Variants in FBRSL1 observed in about 807,000 individuals in gnomAD.
FBRSL1 encodes fibrosin like 1.
In FBRSL1, 51 loss-of-function variants were observed where a neutral mutation model predicts 89.6. The ratio of observed to expected loss-of-function variants is 0.57; its 90% CI spans 0.45 to 0.72. The LOEUF (loss-of-function observed/expected upper bound fraction) is 0.72. Among genes scored for constraint, FBRSL1 ranks in the 30% least tolerant of loss-of-function variants. FBRSL1 has a pLI of 0.00. For missense variants in FBRSL1, 1,618 were observed against 1,451.8 expected, an observed-to-expected ratio of 1.11 and a Z score of -1.86; for synonymous variants, 779 against 681.1, an observed-to-expected ratio of 1.14 and a Z score of -2.24.
rs891873302 is a variant in FBRSL1, at chr12:132,584,752, A to G, written c.*974A>G. 2 of 152,362 alleles carry G rather than the reference A, an allele frequency of 1.3e-5. No homozygotes were observed. Among genetic ancestry groups the G allele is most frequent in the African/African-American group, 4.8e-5 (2 of 41,368 alleles). 9.4% of individuals were successfully genotyped at this position (152,362 alleles called of 1,614,324 possible). ...CTGTGGACGTTTGTGTGGATGGTGC[A>G]GTGTTCTTGGAATCTGTAGACCAGA... On this transcript the variant is annotated 3_prime_UTR_variant, in exon 19 of 19. Transcript: ENST00000680143.
At chr12:132,525,327 G>C in intron 2 of FBRSL1, among the ~76,000 whole-genome samples, 1 of 152,316 alleles carries the variant, frequency 6.6e-6, no homozygotes, top group Non-Finnish European at 1.5e-5. Context: ...ACCAGCCAGG[G>C]TGTGGGTGGA....
intron 4 of FBRSL1, among the ~76,000 whole-genome samples, chr12:132,540,681 C>T (rs2037183577): frequency 6.6e-6 from 1 of 152,166 alleles, no homozygotes; most frequent in East Asian, 1.9e-4. Flanking sequence ...GTGGCGCCTG[C>T]TCTGGGCTCA....
At chr12:132,518,827 C>T (rs1037763953) in intron 2 of FBRSL1, among the ~76,000 whole-genome samples, 6 of 149,176 alleles carry the variant, frequency 4.0e-5, no homozygotes, top group South Asian at 2.2e-4. Context: ...CCCATCTACC[C>T]GTCCATCCAT....
rs754887984 is a variant in FBRSL1, at chr12:132,574,546, T to G, written c.1683T>G (p.Arg561=). The change falls in exon 14 of 19, where the codon CGT becomes CGG. Residue 561 remains arginine (R), a synonymous_variant. Transcript: ENST00000680143. ...TGCAGATCGCCTGGCAGATCTACCG[T>G]CACCAGCAGAAGATAAAGGTGAGAC... is the stretch of plus-strand genomic sequence containing the variant. ...VHVQIAWQIY[R]HQQKIKEMQL... 1.3e-6 allele frequency: 2 copies of G among 1,549,730 alleles called. No homozygotes were observed. Among genetic ancestry groups the G allele is most frequent in the South Asian group, 1.2e-5 (1 of 84,012 alleles).
At chr12:132,557,948 TG>T (rs2038809722) in intron 5 of FBRSL1, among the ~76,000 whole-genome samples, 2 of 152,158 alleles carry the variant, frequency 1.3e-5, no homozygotes, top group South Asian at 4.1e-4. Flanking sequence ...AAGAGGGGAC[TG>T]GGGATGGCAT....
At position 132,524,911 on chromosome 12, in the gene FBRSL1, CCT is replaced by C. The variant is rs1288473128; in HGVS notation, c.490-820_490-819del. ...TGCATGGTCACTTAACCTGTCTGCGCCTCTGTTTTCTCATCCGTGAAATGTAA... is the reference window on the plus strand; with the variant it reads ...TGCATGGTCACTTAACCTGTCTGCGCCTGTTTTCTCATCCGTGAAATGTAA... On this transcript the variant is annotated intron_variant, in intron 2 of 18. Transcript: ENST00000680143. 2.0e-5 allele frequency among the ~76,000 whole-genome samples: 3 copies of C among 152,242 alleles called. No homozygotes were observed. The East Asian group carries it at 5.8e-4, about 29-fold the overall frequency.
chr12:132,560,589 T>TGGGGC (rs2039036681), intron 5 of FBRSL1, among the ~76,000 whole-genome samples: 2 of 152,222 alleles, frequency 1.3e-5, no homozygotes, highest in East Asian at 3.9e-4. Context: ...GTTCTTTGTC[T>TGGGGC]GGGGCGGGGC....
intron 4 of FBRSL1, among the ~76,000 whole-genome samples, chr12:132,529,309 T>C (rs554044293): frequency 5.4e-4 from 82 of 152,348 alleles, no homozygotes; most frequent in Non-Finnish European, 8.7e-4. Context: ...GTCCCACAGC[T>C]TCTGCTGGTG....
chr12:132,575,032 C>A (rs936294312), intron 14 of FBRSL1, among the ~76,000 whole-genome samples: 1 of 152,006 alleles, frequency 6.6e-6, no homozygotes, highest in Non-Finnish European at 1.5e-5. Flanking sequence ...GGTGCAGGTC[C>A]CACCAGGCTA....
chr12:132,536,806 T>G (rs867796387), intron 4 of FBRSL1, among the ~76,000 whole-genome samples: 7 of 152,202 alleles, frequency 4.6e-5, no homozygotes, highest in Non-Finnish European at 1.5e-5. Context: ...TGTATTGTTA[T>G]GTGTACATGC....
At chr12:132,581,269 T>C (rs2040728821) in intron 15 of FBRSL1, 170 bp from the exon 16 acceptor site, 2 of 985,234 alleles carry the variant, frequency 2.0e-6, no homozygotes, top group South Asian at 9.4e-5. Flanking sequence ...AATTGTGGGG[T>C]AGATTCCACC....
At chr12:132,535,691 AC>A (rs1458926838) in intron 4 of FBRSL1, among the ~76,000 whole-genome samples, 1 of 152,272 alleles carries the variant, frequency 6.6e-6, no homozygotes, top group African/African-American at 2.4e-5. Context: ...CAGAGAAGCC[AC>A]TGAGCAGAGA....
At chr12:132,551,856 G>A (rs764942152) in intron 5 of FBRSL1, 1 of 327,806 alleles carries the variant, frequency 3.1e-6, no homozygotes, top group Non-Finnish European at 6.1e-6. Context: ...GGTGAAGAGC[G>A]ATATGGGACT....
chr12:132,524,635 A>G (rs1301347941), intron 2 of FBRSL1, among the ~76,000 whole-genome samples: 2 of 152,184 alleles, frequency 1.3e-5, no homozygotes, highest in Non-Finnish European at 1.5e-5. Context: ...GGGCCCTGGC[A>G]TGCGAGGCCT....
intron 2 of FBRSL1, among the ~76,000 whole-genome samples, chr12:132,514,078 C>T (rs575931504): frequency 5.9e-5 from 9 of 152,232 alleles, no homozygotes; most frequent in African/African-American, 7.2e-5. Flanking sequence ...TTTGCTCATT[C>T]GGGATCCTTG....
In FBRSL1 at chr12:132,583,477, AGC is replaced by A. The variant is rs1431134088; in HGVS notation, c.2716_2717del (p.Arg906GlyfsTer119). 9.5e-7 allele frequency: 1 copy of A among 1,053,354 alleles called. No individual in the cohort carries two copies. The highest frequency in any genetic ancestry group is 1.1e-6 in the Non-Finnish European group (1 of 873,220). The allele number at this position is 1,053,354 out of a possible 1,614,324, so 65.3% of individuals were successfully genotyped here. ...CCCGAGCGCCTGCGCGGGGAGCTGG[AGC>A]GCGCGCGGGCCCCGCACCTGCCGCC... On this transcript the variant is annotated frameshift_variant, in exon 19 of 19. Transcript: ENST00000680143. LOFTEE classifies it high-confidence loss of function.
intron 4 of FBRSL1, among the ~76,000 whole-genome samples, chr12:132,532,303 C>T (rs868620700): frequency 6.6e-6 from 1 of 152,188 alleles, no homozygotes; most frequent in Non-Finnish European, 1.5e-5. Context: ...CCCAGAGAGG[C>T]CAACAGGGCC....
In FBRSL1 at chr12:132,583,223, C is replaced by T. The variant is rs1416415326; in HGVS notation, c.2454C>T (p.Arg818=). The part of the protein sequence containing the change: ...APGDVKVKEE[R]GEDEASEPPA... Reference sequence around the variant, plus strand: ...GAGACGTGAAGGTCAAGGAGGAGCGCGGGGAGGACGAGGCCTCCGAGCCCC... The same window carrying T: ...GAGACGTGAAGGTCAAGGAGGAGCGTGGGGAGGACGAGGCCTCCGAGCCCC... The change falls in exon 19 of 19, where the codon CGC becomes CGT. Residue 818 remains arginine (R), a synonymous_variant. Transcript: ENST00000680143. 10 of 1,405,726 alleles carry T rather than the reference C, an allele frequency of 7.1e-6. No homozygotes were observed. In the Admixed American group the frequency reaches 2.6e-4, roughly 37 times the overall value. 87.1% of individuals were successfully genotyped at this position (1,405,726 alleles called of 1,614,324 possible).
Position 132,527,948 on chromosome 12 carries a change from T to G in FBRSL1, c.580-5T>G, listed in dbSNP as rs2035940810. 6.4e-7 allele frequency: 1 copy of G among 1,551,286 alleles called. No individual in the cohort carries two copies. The highest frequency in any genetic ancestry group is 2.0e-5 in the Admixed American group (1 of 50,982). On this transcript the variant is annotated splice_region_variant and splice_polypyrimidine_tract_variant and intron_variant, in intron 3 of 18. Transcript: ENST00000680143. ...TCACTGACTGTCCCCTCTTCCTTCC[T>G]GCAGAGCTCTGCGCATGCGGTCTCG...
Sources: gnomAD v4.1 joint callset for allele counts (sites outside exome capture counted in the v4.1 genomes callset) on GRCh38, gnomAD v4.1.1 for gene constraint, MANE v1.5 for transcripts, NCBI Gene and HGNC (gene_info 2026-07-23, HGNC 2026-07-21) for gene names.